Variants in LPP observed in about 807,000 individuals in gnomAD.
LPP encodes LIM domain containing preferred translocation partner in lipoma, also known as lipoma-preferred partner.
LPP carries 38 observed loss-of-function variants against 60.4 expected under a neutral mutation model. The ratio of observed to expected loss-of-function variants is 0.63; its 90% confidence interval spans 0.49 to 0.83. The LOEUF (loss-of-function observed/expected upper bound fraction) is 0.83. Among genes scored for constraint, LPP ranks in the 40% least tolerant of loss-of-function variants. The pLI, the probability that LPP is intolerant of heterozygous loss-of-function variation, is 0.00. For synonymous variants in LPP, 328 were observed against 290.8 expected (o/e 1.13, Z -1.30); for missense variants, 902 against 783.6 (o/e 1.15, Z -1.80).
chr3:188,769,828 G>GT (rs1291647273), intron 9 of LPP, among the ~76,000 whole-genome samples: 1 of 152,176 alleles, frequency 6.6e-6, no homozygotes, highest in Non-Finnish European at 1.5e-5. Context: ...GTTGGAGAGT[G>GT]TAGAAATAGG....
chr3:188,578,401 C>G (rs1233966827), intron 6 of LPP, among the ~76,000 whole-genome samples: 2 of 152,142 alleles, frequency 1.3e-5, no homozygotes, highest in African/African-American at 2.4e-5. Flanking sequence ...ATGGCTGTGG[C>G]TATGAATTTT....
chr3:188,404,421 T>G (rs1782944747), intron 3 of LPP, among the ~76,000 whole-genome samples: 2 of 152,132 alleles, frequency 1.3e-5, no homozygotes, highest in African/African-American at 4.8e-5. Context: ...ATTTTTTAAT[T>G]TTTTGTAGAG....
intron 7 of LPP, among the ~76,000 whole-genome samples, chr3:188,632,377 C>T (rs183899555): frequency 6.6e-5 from 10 of 152,240 alleles, no homozygotes; most frequent in Non-Finnish European, 1.2e-4. Context: ...ACCTATAGGA[C>T]CGGTAGGATA....
intron 1 of LPP, among the ~76,000 whole-genome samples, chr3:188,162,457 A>T (rs1243633849): frequency 6.6e-6 from 1 of 152,212 alleles, no homozygotes; most frequent in African/African-American, 2.4e-5. Context: ...CACTAGTACT[A>T]ATTAGTAGCA....
At chr3:188,838,554 A>G (rs1038614933) in intron 9 of LPP, among the ~76,000 whole-genome samples, 13 of 152,144 alleles carry the variant, frequency 8.5e-5, no homozygotes, top group African/African-American at 3.1e-4. Context: ...TCCATTTCAT[A>G]CTCTGATTTT....
intron 2 of LPP, among the ~76,000 whole-genome samples, chr3:188,237,662 C>CTT (rs369827599): frequency 0.017 from 2,528 of 149,600 alleles, 61 homozygotes; most frequent in African/African-American, 0.056. Context: ...TGAAAGGAAT[C>CTT]TTTTTTTTTT....
intron 8 of LPP, among the ~76,000 whole-genome samples, chr3:188,757,420 T>C (rs1183862149): frequency 6.6e-6 from 1 of 152,228 alleles, no homozygotes; most frequent in African/African-American, 2.4e-5. Context: ...TGAGTAGCTA[T>C]CAAACTCTCC....
At chr3:188,297,612 A>C (rs1405295767) in intron 2 of LPP, among the ~76,000 whole-genome samples, 1 of 152,206 alleles carries the variant, frequency 6.6e-6, no homozygotes, top group Non-Finnish European at 1.5e-5. Context: ...CTGAACAGCT[A>C]TCTTGGTTAT....
At chr3:188,740,773 A>G (rs1222253540) in intron 8 of LPP, among the ~76,000 whole-genome samples, 1 of 151,956 alleles carries the variant, frequency 6.6e-6, no homozygotes, top group Non-Finnish European at 1.5e-5. Context: ...TGAAACACTT[A>G]AGTTTGATTC....
intron 7 of LPP, among the ~76,000 whole-genome samples, chr3:188,669,946 C>G (rs1856629306): frequency 1.3e-5 from 2 of 152,186 alleles, no homozygotes; most frequent in Non-Finnish European, 2.9e-5. Context: ...AGTTCATGTC[C>G]TTTGTAGCGA....
chr3:188,809,011 C>T (rs897423854), intron 9 of LPP, among the ~76,000 whole-genome samples: 6 of 152,168 alleles, frequency 3.9e-5, no homozygotes, highest in African/African-American at 1.4e-4. Flanking sequence ...AGGACATGAC[C>T]TCATTCCTTT....
At chr3:188,623,027 T>TAAAAAAAAA (rs747020083) in intron 7 of LPP, among the ~76,000 whole-genome samples, 195 of 78,844 alleles carry the variant, frequency 2.5e-3, no homozygotes, top group South Asian at 7.6e-3. Flanking sequence ...GACTCCATCT[T>TAAAAAAAAA]AAAAAAAAAA....
chr3:188,387,042 A>T (rs1778480543), intron 3 of LPP, among the ~76,000 whole-genome samples: 1 of 152,008 alleles, frequency 6.6e-6, no homozygotes, highest in Non-Finnish European at 1.5e-5. Context: ...CCTTAGGAAA[A>T]GGCTTTTCTT....
chr3:188,749,054 C>A (rs1727211031), intron 8 of LPP, among the ~76,000 whole-genome samples: 1 of 152,144 alleles, frequency 6.6e-6, no homozygotes, highest in African/African-American at 2.4e-5. Flanking sequence ...AATGGCATGA[C>A]TCTACTGGTT....
intron 7 of LPP, among the ~76,000 whole-genome samples, chr3:188,619,284 C>G (rs1560653126): frequency 1.3e-5 from 2 of 152,206 alleles, no homozygotes; most frequent in Non-Finnish European, 2.9e-5. Context: ...CTTGGCCTCC[C>G]AAAGTGTTGG....
intron 7 of LPP, among the ~76,000 whole-genome samples, chr3:188,653,696 A>G (rs1350997789): frequency 6.6e-6 from 1 of 152,212 alleles, no homozygotes; most frequent in Non-Finnish European, 1.5e-5. Context: ...TCAACATCAC[A>G]TACAGCCCTC....
chr3:188,551,434 C>T (rs1454101066), intron 6 of LPP, among the ~76,000 whole-genome samples: 2 of 152,140 alleles, frequency 1.3e-5, no homozygotes, highest in East Asian at 1.9e-4. Flanking sequence ...AGCCATATCA[C>T]AAGCTTAGTG....
intron 6 of LPP, among the ~76,000 whole-genome samples, chr3:188,608,159 C>CTG (rs1491578237): frequency 2.0e-5 from 3 of 151,666 alleles, no homozygotes; most frequent in Non-Finnish European, 4.4e-5. Context: ...AGGTGCACCC[C>CTG]TGTGTGTCTG....
chr3:188,864,145 GA>G (rs1765992704), intron 9 of LPP, among the ~76,000 whole-genome samples: 1 of 152,076 alleles, frequency 6.6e-6, no homozygotes, highest in Non-Finnish European at 1.5e-5. Flanking sequence ...TTCAAAATGG[GA>G]AAAACAAATA....
Sources: gnomAD v4.1 joint callset for allele counts (sites outside exome capture counted in the v4.1 genomes callset) on GRCh38, gnomAD v4.1.1 for gene constraint, MANE v1.5 for transcripts, NCBI Gene and HGNC (gene_info 2026-07-23, HGNC 2026-07-21) for gene names.